NFIX: variants seen among roughly 807,000 people sequenced by gnomAD.
The protein encoded by NFIX is nuclear factor I X, also known as nuclear factor 1 X-type.
In NFIX, 2 loss-of-function variants were observed where a neutral mutation model predicts 53.3. That is an observed-to-expected ratio of 0.04 (90% CI 0.02 to 0.12). NFIX has a LOEUF of 0.12. Among genes scored for constraint, NFIX ranks in the 10% least tolerant of loss-of-function variants. The probability of loss-of-function intolerance (pLI) is 1.00; values close to 1 mark genes in which losing one functional copy is unlikely to be tolerated. For missense variants in NFIX, 310 were observed against 674.5 expected (o/e 0.46, Z 5.99); for synonymous variants, 244 against 289.0 (o/e 0.84, Z 1.58).
In NFIX at chr19:13,090,572, C is replaced by T. The variant is rs746677112; in HGVS notation, c.1494+182C>T. On this transcript the variant is annotated intron_variant, in intron 10 of 10. Coordinates refer to ENST00000592199, the MANE Select transcript of NFIX (RefSeq NM_001365902.3). This position sits in a 1 kb window ranked among gnomAD's most constrained non-coding sequence, Gnocchi z 6.6. ...CTGAGCCTGTCTCCCCAGGCAGCCC[C>T]CAGGCTCCCTGGCTAATCAGCTAAT... Among the ~76,000 whole-genome samples, 15 of 152,188 alleles carry T rather than the reference C, an allele frequency of 9.9e-5. No individual in the cohort carries two copies. The highest frequency in any genetic ancestry group is 1.6e-4 in the Non-Finnish European group (11 of 68,022).
intron 1 of NFIX, among the ~76,000 whole-genome samples, chr19:13,019,770 A>C (rs2012869681): frequency 6.6e-6 from 1 of 150,482 alleles, no homozygotes; most frequent in Admixed American, 6.6e-5. Flanking sequence ...TCAACAATAA[A>C]AGACAGAGGC....
rs1433256356 is a variant in NFIX, at chr19:13,028,442, G to A, written c.559+2890G>A. Among the ~76,000 whole-genome samples the A allele has an allele frequency of 2.0e-5, 3 of 152,196 alleles. No homozygotes were observed. The highest frequency in any genetic ancestry group is 2.9e-5 in the Non-Finnish European group (2 of 68,044). The stretch of plus-strand genomic sequence containing the variant: ...TGGGGGTGTGGCTTTGCTCCCAGGT[G>A]CCATTGTCACCCATGGCCTTCCTGA... On this transcript the variant is annotated intron_variant, in intron 2 of 10. Coordinates refer to ENST00000592199, the MANE Select transcript of NFIX (RefSeq NM_001365902.3). This position sits in a 1 kb window ranked among gnomAD's most constrained non-coding sequence, Gnocchi z 4.2.
chr19:13,073,578 G>T lies in NFIX; in HGVS notation c.697+82G>T. On this transcript the variant is annotated intron_variant, in intron 4 of 10. Coordinates refer to ENST00000592199, the MANE Select transcript of NFIX (RefSeq NM_001365902.3). The surrounding 1 kb of genome is among the most constrained non-coding windows in gnomAD (Gnocchi z 4.5). The stretch of plus-strand genomic sequence containing the variant: ...CCTCATGGGATGTCCTCCTAATGGG[G>T]TCTTAGGGCAGGTGGATGGGAACAG... 1 of 1,263,256 alleles carries T rather than the reference G, an allele frequency of 7.9e-7. No homozygotes were observed. The highest frequency in any genetic ancestry group is 2.3e-5 in the East Asian group (1 of 43,216). The allele number at this position is 1,263,256 out of a possible 1,614,324, so 78.3% of individuals were successfully genotyped here.
chr19:13,029,167 C>T (rs1430857082), intron 2 of NFIX, among the ~76,000 whole-genome samples: 1 of 152,178 alleles, frequency 6.6e-6, no homozygotes, highest in African/African-American at 2.4e-5. Context: ...CGGCCAATCT[C>T]AATTCAACCA....
intron 8 of NFIX, among the ~76,000 whole-genome samples, chr19:13,084,468 A>T (rs575874071): frequency 4.6e-5 from 7 of 152,150 alleles, no homozygotes; most frequent in Non-Finnish European, 1.0e-4. Context: ...AAACAAAAAA[A>T]ACCCAGAATT....
At chr19:13,083,835 G>T (rs1414507972) in intron 8 of NFIX, among the ~76,000 whole-genome samples, 1 of 152,252 alleles carries the variant, frequency 6.6e-6, no homozygotes, top group Non-Finnish European at 1.5e-5. Context: ...AGAGGCTGAT[G>T]CATAGCTGCA....
intron 1 of NFIX, among the ~76,000 whole-genome samples, chr19:13,007,523 A>G (rs1396273203): frequency 6.6e-6 from 1 of 152,192 alleles, no homozygotes; most frequent in African/African-American, 2.4e-5. Flanking sequence ...AGGCCCTGGC[A>G]TGGCAAGGGC....
chr19:13,092,930 G>T (rs2018232067), intron 10 of NFIX, among the ~76,000 whole-genome samples: 1 of 152,248 alleles, frequency 6.6e-6, no homozygotes, highest in Non-Finnish European at 1.5e-5. Flanking sequence ...TGCTCGAGGA[G>T]CCCCACTGAG....
chr19:13,074,393 C>T (rs1211171559), intron 5 of NFIX, among the ~76,000 whole-genome samples: 3 of 152,152 alleles, frequency 2.0e-5, no homozygotes, highest in African/African-American at 4.8e-5. Flanking sequence ...TATCCCAGTT[C>T]AGCCTGCACA....
intron 1 of NFIX, among the ~76,000 whole-genome samples, chr19:13,015,160 C>T (rs541645834): frequency 1.7e-3 from 261 of 152,166 alleles, no homozygotes; most frequent in South Asian, 8.3e-3. Flanking sequence ...GACTTTTCAG[C>T]GATCCCTTGT....
In NFIX at chr19:13,088,279, G is replaced by A. The variant is rs1269566566; in HGVS notation, c.1402+143G>A. 1.9e-6 allele frequency: 2 copies of A among 1,054,442 alleles called. No homozygotes were observed. The highest frequency in any genetic ancestry group is 2.7e-6 in the Non-Finnish European group (2 of 750,372). The allele number at this position is 1,054,442 out of a possible 1,614,324, so 65.3% of individuals were successfully genotyped here. ...GCACCATGGACAAGAGCAGAGCCGA[G>A]CCCCCCAACCACAGCCTCCCTCCCG... On this transcript the variant is annotated intron_variant, in intron 9 of 10. Transcript: ENST00000592199. This position sits in a 1 kb window ranked among gnomAD's most constrained non-coding sequence, Gnocchi z 5.9.
chr19:13,010,723 C>T (rs1313802933), intron 1 of NFIX, among the ~76,000 whole-genome samples: 1 of 152,232 alleles, frequency 6.6e-6, no homozygotes, highest in Non-Finnish European at 1.5e-5. Context: ...GGCTCCAGGC[C>T]CACGCGGGTA....
At chr19:13,024,871 T>C (rs2013193710) in intron 1 of NFIX, 150 bp from the exon 2 acceptor site, 1 of 1,318,928 alleles carries the variant, frequency 7.6e-7, no homozygotes, top group Non-Finnish European at 1.0e-6. Flanking sequence ...CAAGAGAAAA[T>C]TGTTGGGGGG....
In NFIX at chr19:12,996,511, G is replaced by T. The variant is rs974282858; in HGVS notation, c.27+647G>T. The stretch of plus-strand genomic sequence containing the variant: ...AAAATGGCGGGGCTCCCAAATTTCG[G>T]AGGGGCAGGGGAGGGGAGAGGGGGG... On this transcript the variant is annotated intron_variant, in intron 1 of 10. Coordinates refer to ENST00000592199, the MANE Select transcript of NFIX (RefSeq NM_001365902.3). The surrounding 1 kb of genome is among the most constrained non-coding windows in gnomAD (Gnocchi z 5.2). Among the ~76,000 whole-genome samples the T allele has an allele frequency of 7.2e-5, 11 of 152,040 alleles. No individual in the cohort carries two copies. The highest frequency in any genetic ancestry group is 7.2e-4 in the Admixed American group (11 of 15,300).
rs2016020199 is a variant in NFIX at position 13,060,718 on chromosome 19, CTG to C, written c.560-12328_560-12327del. Among the ~76,000 whole-genome samples the C allele has an allele frequency of 6.6e-6, 1 of 152,024 alleles. No individual in the cohort carries two copies. The highest frequency in any genetic ancestry group is 2.1e-4 in the South Asian group (1 of 4,826). On this transcript the variant is annotated intron_variant, in intron 2 of 10. Transcript: ENST00000592199. This position sits in a 1 kb window ranked among gnomAD's most constrained non-coding sequence, Gnocchi z 4.3. Reference sequence around the variant, plus strand: ...GGCCAGGGAAGCAACCAGGCCCAGTCTGGGGCCCTGTGAAGCGATCTGCACTG... The same window carrying C: ...GGCCAGGGAAGCAACCAGGCCCAGTCGGGCCCTGTGAAGCGATCTGCACTG...
At chr19:13,008,445 T>C (rs2012143955) in intron 1 of NFIX, among the ~76,000 whole-genome samples, 1 of 152,206 alleles carries the variant, frequency 6.6e-6, no homozygotes, top group Admixed American at 6.5e-5. Flanking sequence ...GTTTTCATCC[T>C]GATTGGTGGC....
intron 2 of NFIX, among the ~76,000 whole-genome samples, chr19:13,030,910 G>C (rs919816105): frequency 6.6e-6 from 1 of 152,230 alleles, no homozygotes; most frequent in Admixed American, 6.5e-5. Context: ...AACCAAGCGT[G>C]GGGGGCACGC....
Position 13,036,683 on chromosome 19 carries a change from AT to A in NFIX, c.559+11132del, listed in dbSNP as rs756905500. Among the ~76,000 whole-genome samples, 1 of 152,268 alleles carries A rather than the reference AT, an allele frequency of 6.6e-6. No individual in the cohort carries two copies. The highest frequency in any genetic ancestry group is 1.5e-5 in the Non-Finnish European group (1 of 68,004). On this transcript the variant is annotated intron_variant, in intron 2 of 10. Coordinates refer to ENST00000592199, the MANE Select transcript of NFIX (RefSeq NM_001365902.3). This position sits in a 1 kb window ranked among gnomAD's most constrained non-coding sequence, Gnocchi z 4.7. Reference sequence around the variant, plus strand: ...ATTATATAATGGGCGTTATTGCATAATGGCAGTTATATAACAGGTGGCCCAG... The same window carrying A: ...ATTATATAATGGGCGTTATTGCATAAGGCAGTTATATAACAGGTGGCCCAG...
In NFIX at chr19:13,014,660, C is replaced by G. The variant is rs945192888; in HGVS notation, c.28-10361C>G. 2.0e-5 allele frequency: 3 copies of G among 152,302 alleles called. No individual in the cohort carries two copies. Among genetic ancestry groups the G allele is most frequent in the Non-Finnish European group, 2.9e-5 (2 of 68,088 alleles). 9.4% of individuals were successfully genotyped at this position (152,302 alleles called of 1,614,324 possible). The stretch of plus-strand genomic sequence containing the variant: ...AGTCTTGGAGAGCCCGTCTTGGCAA[C>G]CCTGTGCCCTTGATAGAAGAGAGAG... On this transcript the variant is annotated intron_variant, in intron 1 of 10. Transcript: ENST00000592199. The surrounding 1 kb of genome is among the most constrained non-coding windows in gnomAD (Gnocchi z 4.4).
Sources: allele counts gnomAD v4.1 joint callset (sites outside exome capture counted in the v4.1 genomes callset), GRCh38; gene constraint gnomAD v4.1.1; non-coding constraint Gnocchi (gnomAD v3.1); transcripts MANE v1.5; gene names NCBI Gene and HGNC (gene_info 2026-07-23, HGNC 2026-07-21).